LRCH1: variants seen among roughly 807,000 people sequenced by gnomAD.
LRCH1 encodes the protein leucine-rich repeat and calponin homology domain-containing protein 1.
In LRCH1, 23 loss-of-function variants were observed where a neutral mutation model predicts 94.9. That is an observed-to-expected ratio of 0.24 (90% confidence interval 0.17 to 0.34). LRCH1 has a LOEUF of 0.34. Ranked by LOEUF, LRCH1 falls within the 10% of genes least tolerant of loss-of-function variation. The probability of loss-of-function intolerance (pLI) is 1.00; values close to 1 mark genes in which losing one functional copy is unlikely to be tolerated. For missense variants in LRCH1, 790 were observed against 945.9 expected, an observed-to-expected ratio of 0.84 and a Z score of 2.16; for synonymous variants, 364 against 354.9, an observed-to-expected ratio of 1.03 and a Z score of -0.29.
rs1555269134 is a variant in LRCH1, at chr13:46,573,845, AATATATATAT to A, written c.307+20155_307+20164del. On this transcript the variant is annotated intron_variant, in intron 1 of 19. Transcript: ENST00000389797. Reference sequence around the variant, plus strand: ...TAGCACAACAGGGTGACTATAGTCAAATATATATATATATATATATATTTTTTTTTTTTTT... The same window carrying A: ...TAGCACAACAGGGTGACTATAGTCAAATATATATATATTTTTTTTTTTTTT... Among the ~76,000 whole-genome samples, 13 of 78,028 alleles carry A rather than the reference AATATATATAT, an allele frequency of 1.7e-4. 1 individual carries two copies. Among genetic ancestry groups the A allele is most frequent in the Non-Finnish European group, 2.0e-4 (8 of 39,326 alleles). The allele number at this position is 78,028 out of a possible 152,430, so 51.2% of individuals were successfully genotyped here.
At chr13:46,669,535 T>G (rs1479471796) in intron 3 of LRCH1, among the ~76,000 whole-genome samples, 1 of 152,220 alleles carries the variant, frequency 6.6e-6, no homozygotes, top group East Asian at 1.9e-4. Flanking sequence ...GGTATAAAAT[T>G]AAGTCAGAAG....
rs75153191 is a variant in LRCH1 at position 46,656,755 on chromosome 13, A to G, written c.452+6410A>G. On this transcript the variant is annotated intron_variant, in intron 2 of 19. Coordinates refer to ENST00000389797, the MANE Select transcript of LRCH1 (RefSeq NM_001164211.2). Reference sequence around the variant, plus strand: ...ATTTTCAAGGTGGAACCCGTAGCCAATGGTCCCTAAAATTATTAATGTGTT... The same window carrying G: ...ATTTTCAAGGTGGAACCCGTAGCCAGTGGTCCCTAAAATTATTAATGTGTT... 1.5e-3 allele frequency among the ~76,000 whole-genome samples: 222 copies of G among 152,376 alleles called. 2 individuals carry two copies. The East Asian group carries it at 0.039, about 27-fold the overall frequency.
chr13:46,587,594 T>C (rs574292028), intron 1 of LRCH1, among the ~76,000 whole-genome samples: 39 of 152,368 alleles, frequency 2.6e-4, no homozygotes, highest in African/African-American at 8.9e-4. Flanking sequence ...AACGAGTCTC[T>C]TTTTAGTAAA....
At chr13:46,652,942 G>A (rs893553136) in intron 2 of LRCH1, among the ~76,000 whole-genome samples, 13 of 152,152 alleles carry the variant, frequency 8.5e-5, no homozygotes, top group Non-Finnish European at 1.6e-4. Context: ...TAGTAAAATG[G>A]TTTTGGTGTG....
chr13:46,645,650 A>G (rs1436442702), intron 1 of LRCH1, among the ~76,000 whole-genome samples: 1 of 152,108 alleles, frequency 6.6e-6, no homozygotes, highest in Admixed American at 6.5e-5. Flanking sequence ...AACTTTCTCA[A>G]ACATCTCAGG....
intron 18 of LRCH1, among the ~76,000 whole-genome samples, chr13:46,750,228 G>A (rs1354984059): frequency 2.0e-5 from 3 of 152,326 alleles, no homozygotes; most frequent in Admixed American, 6.5e-5. Flanking sequence ...TATTCTTGGT[G>A]TATGCTCTCT....
At chr13:46,638,994 G>A (rs1019155571) in intron 1 of LRCH1, among the ~76,000 whole-genome samples, 2 of 152,086 alleles carry the variant, frequency 1.3e-5, no homozygotes, top group African/African-American at 4.8e-5. Flanking sequence ...ACTGTTTCAC[G>A]GTATATTTGA....
In LRCH1 at chr13:46,716,772, C is replaced by A. The variant is rs76184938; in HGVS notation, c.1759+1108C>A. The stretch of plus-strand genomic sequence containing the variant: ...TTTCATAGATTTCTAAATTTTTAAA[C>A]GGAAAATAAATAGGATTAAAAAACA... On this transcript the variant is annotated intron_variant, in intron 16 of 19. Transcript: ENST00000389797. Among the ~76,000 whole-genome samples the A allele has an allele frequency of 1.1e-4, 17 of 151,946 alleles. No individual in the cohort carries two copies. The East Asian group carries it at 3.1e-3, about 27-fold the overall frequency.
intron 13 of LRCH1, among the ~76,000 whole-genome samples, chr13:46,711,439 C>G (rs1872055169): frequency 6.6e-6 from 1 of 152,140 alleles, no homozygotes; most frequent in Non-Finnish European, 1.5e-5. Flanking sequence ...TACCTTGAAC[C>G]ATTTCTAAAA....
At chr13:46,631,156 AC>A (rs1418410188) in intron 1 of LRCH1, among the ~76,000 whole-genome samples, 1 of 152,244 alleles carries the variant, frequency 6.6e-6, no homozygotes, top group African/African-American at 2.4e-5. Flanking sequence ...TTCTTAAAAC[AC>A]GAGTGTGATT....
At chr13:46,643,344 G>A (rs2051181687) in intron 1 of LRCH1, among the ~76,000 whole-genome samples, 1 of 152,208 alleles carries the variant, frequency 6.6e-6, no homozygotes, top group Non-Finnish European at 1.5e-5. Context: ...GCAGAGTTAG[G>A]AATGCTCATA....
At chr13:46,568,908 A>G (rs543461886) in intron 1 of LRCH1, among the ~76,000 whole-genome samples, 1 of 152,286 alleles carries the variant, frequency 6.6e-6, no homozygotes, top group South Asian at 2.1e-4. Flanking sequence ...TCCAACTTAA[A>G]AAGGAGAACA....
intron 1 of LRCH1, among the ~76,000 whole-genome samples, chr13:46,635,930 T>A (rs1201347996): frequency 6.6e-6 from 1 of 152,188 alleles, no homozygotes; most frequent in Non-Finnish European, 1.5e-5. Flanking sequence ...ATCTGCTCTG[T>A]TTTACTTTGA....
intron 1 of LRCH1, among the ~76,000 whole-genome samples, chr13:46,648,398 A>G (rs974768046): frequency 4.6e-5 from 7 of 152,138 alleles, no homozygotes; most frequent in African/African-American, 1.7e-4. Context: ...TGATTTCCAT[A>G]TGTATGTCTC....
intron 1 of LRCH1, among the ~76,000 whole-genome samples, chr13:46,584,570 C>A (rs2050409565): frequency 6.6e-6 from 1 of 152,210 alleles, no homozygotes; most frequent in South Asian, 2.1e-4. Flanking sequence ...GATGCAGGTG[C>A]CTTCTTTTCC....
chr13:46,638,998 T>C (rs966201798), intron 1 of LRCH1, among the ~76,000 whole-genome samples: 1 of 152,250 alleles, frequency 6.6e-6, no homozygotes, highest in Non-Finnish European at 1.5e-5. Context: ...TTTCACGGTA[T>C]ATTTGACTTC....
At chr13:46,589,175 T>C (rs1044953833) in intron 1 of LRCH1, among the ~76,000 whole-genome samples, 3 of 151,902 alleles carry the variant, frequency 2.0e-5, no homozygotes, top group African/African-American at 7.3e-5. Context: ...TAGCTGGAAC[T>C]ATAGGCACAT....
chr13:46,602,978 G>GCATACATA (rs35011134), intron 1 of LRCH1, among the ~76,000 whole-genome samples: 33,686 of 149,744 alleles, frequency 0.22, 4,530 homozygotes, highest in African/African-American at 0.37. Flanking sequence ...ATACATGCAT[G>GCATACATA]CATACATACA....
In LRCH1 at chr13:46,585,552, C is replaced by CAA. The variant is rs35651253; in HGVS notation, c.307+31867_307+31868dup. 1.4e-3 allele frequency among the ~76,000 whole-genome samples: 111 copies of CAA among 81,948 alleles called. 1 individual carries two copies. The highest frequency in any genetic ancestry group is 2.8e-3 in the African/African-American group (70 of 25,288). The allele number at this position is 81,948 out of a possible 152,430, so 53.8% of individuals were successfully genotyped here. A position where few individuals can be genotyped will look rare whatever the true frequency, so the allele number is the denominator to read the frequency against. ...TGGGCGACAGAGCGAGACTGCATCTCAAAAAAAAAAAAAAAAAAACAAAAA... is the reference window on the plus strand; with the variant it reads ...TGGGCGACAGAGCGAGACTGCATCTCAAAAAAAAAAAAAAAAAAAAACAAAAA... On this transcript the variant is annotated intron_variant, in intron 1 of 19. Coordinates refer to ENST00000389797, the MANE Select transcript of LRCH1 (RefSeq NM_001164211.2).
Sources: gnomAD v4.1 joint callset for allele counts (sites outside exome capture counted in the v4.1 genomes callset) on GRCh38, gnomAD v4.1.1 for gene constraint, MANE v1.5 for transcripts, NCBI Gene and HGNC (gene_info 2026-07-23, HGNC 2026-07-21) for gene names.